The following TLN2 variants were observed in gnomAD, a reference collection of about 807,000 sequenced individuals.
The protein encoded by TLN2 is talin 2.
A neutral mutation model predicts 294.7 loss-of-function variants in TLN2; 118 were observed. The observed-to-expected ratio is 0.40, with a 90% confidence interval of 0.34 to 0.47. The LOEUF (loss-of-function observed/expected upper bound fraction) is 0.47. Ranked by LOEUF, TLN2 falls within the 20% of genes least tolerant of loss-of-function variation. The pLI is 0.84. For missense variants in TLN2, 3,083 were observed against 3,282.2 expected (o/e 0.94, Z 1.48); for synonymous variants, 1,431 against 1,304.5 (o/e 1.10, Z -2.09).
intron 44 of TLN2, among the ~76,000 whole-genome samples, chr15:62,781,919 GCTAT>G (rs2064208300): frequency 6.6e-6 from 1 of 152,178 alleles, no homozygotes; most frequent in Non-Finnish European, 1.5e-5. Flanking sequence ...GATAGTGAAT[GCTAT>G]CTGATATGTT....
chr15:62,476,129 G>C (rs2140372039), intron 1 of TLN2, among the ~76,000 whole-genome samples: 1 of 152,274 alleles, frequency 6.6e-6, no homozygotes, highest in Non-Finnish European at 1.5e-5. Context: ...TTGTGGGCTG[G>C]CACCAAAACT....
chr15:62,607,639 G>T (rs2047563046), intron 2 of TLN2, among the ~76,000 whole-genome samples: 1 of 152,140 alleles, frequency 6.6e-6, no homozygotes, highest in Admixed American at 6.5e-5. Context: ...TCTGTAGAAG[G>T]GGCCCTTTTG....
intron 1 of TLN2, among the ~76,000 whole-genome samples, chr15:62,460,368 A>G (rs533421993): frequency 6.6e-6 from 1 of 151,548 alleles, no homozygotes; most frequent in South Asian, 2.1e-4. Context: ...AGGTTCAAGC[A>G]ATTCTCCTGC....
intron 1 of TLN2, among the ~76,000 whole-genome samples, chr15:62,574,852 C>A (rs946239727): frequency 6.6e-6 from 1 of 151,992 alleles, no homozygotes; most frequent in African/African-American, 2.4e-5. Context: ...TGTTACAGAT[C>A]CTAATCCTAG....
intron 51 of TLN2, among the ~76,000 whole-genome samples, chr15:62,808,903 G>GAGCC (rs1017787708): frequency 6.6e-6 from 1 of 152,228 alleles, no homozygotes; most frequent in South Asian, 2.1e-4. Flanking sequence ...GTCAAGGGGG[G>GAGCC]AGCCCAAGGT....
intron 1 of TLN2, among the ~76,000 whole-genome samples, chr15:62,542,069 C>T (rs186354695): frequency 2.0e-5 from 3 of 152,048 alleles, no homozygotes; most frequent in African/African-American, 7.3e-5. Context: ...TGGGCCCTTT[C>T]TTGTCCCTCA....
chr15:62,727,809 C>T (rs1234896408), intron 28 of TLN2, among the ~76,000 whole-genome samples: 1 of 152,112 alleles, frequency 6.6e-6, no homozygotes, highest in Non-Finnish European at 1.5e-5. Flanking sequence ...AATTTTAAAA[C>T]CAAGAGGTTT....
At chr15:62,525,202 G>A (rs563610540) in intron 1 of TLN2, among the ~76,000 whole-genome samples, 1 of 152,324 alleles carries the variant, frequency 6.6e-6, no homozygotes, top group Admixed American at 6.5e-5. Context: ...TCTCTCACAT[G>A]TGTTTAATCA....
Position 62,752,393 on chromosome 15 carries a change from A to G in TLN2, c.4298A>G (p.Lys1433Arg), listed in dbSNP as rs1161477023. Residue 1433 changes from lysine to arginine, a missense_variant, in exon 35 of 59, where the codon AAG (lysine) becomes AGG (arginine). Lys to Arg is a conservative substitution (Grantham distance 26). Coordinates refer to ENST00000636159, the MANE Select transcript of TLN2 (RefSeq NM_015059.3). ...GGGGAATGTGTGGGGATTGCATCCA[A>G]GGCTCTCTGTGGGCTGACAGAGGCT... The part of the protein sequence containing the change: ...AFGECVGIAS[K>R]ALCGLTEAAA... 1.9e-6 allele frequency: 3 copies of G among 1,614,028 alleles called. No homozygotes were observed. The highest frequency in any genetic ancestry group is 2.5e-6 in the Non-Finnish European group (3 of 1,180,034).
intron 7 of TLN2, among the ~76,000 whole-genome samples, chr15:62,653,583 T>G (rs374274235): frequency 6.6e-6 from 1 of 151,988 alleles, no homozygotes; most frequent in Admixed American, 6.6e-5. Flanking sequence ...AAAAATTAGC[T>G]GGGCTTGCTG....
At chr15:62,572,407 A>T (rs186792142) in intron 1 of TLN2, among the ~76,000 whole-genome samples, 2,070 of 151,960 alleles carry the variant, frequency 0.014, 14 homozygotes, top group Middle Eastern at 0.061. Context: ...CACCCAGCTA[A>T]TTTTTTGTTT....
intron 54 of TLN2, among the ~76,000 whole-genome samples, chr15:62,821,489 A>C (rs1001354582): frequency 2.4e-4 from 37 of 152,234 alleles, no homozygotes; most frequent in African/African-American, 8.2e-4. Flanking sequence ...TTTTTGTAAG[A>C]CCAAGGGATG....
intron 3 of TLN2, among the ~76,000 whole-genome samples, chr15:62,640,007 G>C (rs907955222): frequency 6.6e-6 from 1 of 152,150 alleles, no homozygotes; most frequent in African/African-American, 2.4e-5. Context: ...TCTATGCCTG[G>C]CCTGCTCAGT....
At chr15:62,765,359 T>C (rs1482545382) in intron 40 of TLN2, among the ~76,000 whole-genome samples, 3 of 152,026 alleles carry the variant, frequency 2.0e-5, no homozygotes, top group Middle Eastern at 3.2e-3. Context: ...CAAGTTTGCA[T>C]GTTAGTCTGC....
chr15:62,567,079 GT>G (rs1459961701), intron 1 of TLN2, among the ~76,000 whole-genome samples: 2 of 152,230 alleles, frequency 1.3e-5, no homozygotes, highest in Admixed American at 6.5e-5. Context: ...TTAGTTATCT[GT>G]TTTTTTCCCA....
At chr15:62,824,423 G>A (rs958891569) in intron 54 of TLN2, among the ~76,000 whole-genome samples, 1 of 152,200 alleles carries the variant, frequency 6.6e-6, no homozygotes, top group Non-Finnish European at 1.5e-5. Context: ...CTTCAATTTA[G>A]AAGTTCATGT....
chr15:62,671,343 A>C (rs1206625989), intron 9 of TLN2, among the ~76,000 whole-genome samples: 2 of 151,066 alleles, frequency 1.3e-5, no homozygotes, highest in African/African-American at 4.9e-5. Context: ...GTATCTAAAA[A>C]CTCTTTGCCT....
chr15:62,429,069 A>G (rs1044948726), intron 1 of TLN2, among the ~76,000 whole-genome samples: 2 of 122,256 alleles, frequency 1.6e-5, no homozygotes, highest in Non-Finnish European at 3.2e-5. Context: ...CAGCATGCCA[A>G]TTTTGACAGG....
At chr15:62,505,060 G>A (rs1595961149) in intron 1 of TLN2, among the ~76,000 whole-genome samples, 2 of 152,218 alleles carry the variant, frequency 1.3e-5, no homozygotes, top group South Asian at 4.1e-4. Context: ...AGGTTCAAGC[G>A]ATTCTCCTGC....
Sources: allele counts gnomAD v4.1 joint callset (sites outside exome capture counted in the v4.1 genomes callset), GRCh38; gene constraint gnomAD v4.1.1; transcripts MANE v1.5; gene names NCBI Gene and HGNC (gene_info 2026-07-23, HGNC 2026-07-21).